The following ACAD11 variants were observed in gnomAD, a reference collection of about 807,000 sequenced individuals.
ACAD11 encodes acyl-Coenzyme A dehydrogenase family, member 11.
In ACAD11, 83 loss-of-function variants were observed where a neutral mutation model predicts 102.2. That is an observed-to-expected ratio of 0.81 (90% CI 0.68 to 0.97). The LOEUF (loss-of-function observed/expected upper bound fraction) is 0.97, where lower values mean the gene tolerates loss of function less well. ACAD11 is among the 50% of genes least tolerant of loss of function. ACAD11 has a pLI of 0.00. For missense variants in ACAD11, 901 were observed against 951.7 expected (o/e 0.95, Z 0.70); for synonymous variants, 324 against 319.8 (o/e 1.01, Z -0.14).
intron 1 of ACAD11, chr3:132,645,775 T>A (rs1052542491): frequency 1.3e-5 from 2 of 152,216 alleles, no homozygotes; most frequent in Admixed American, 1.3e-4. Flanking sequence ...AGTGTCTATG[T>A]CTTCTATAAA....
In ACAD11 at chr3:132,639,583, C is replaced by T; in HGVS notation, c.611G>A (p.Trp204Ter). 1.2e-6 allele frequency: 2 copies of T among 1,613,744 alleles called. No individual in the cohort carries two copies. The highest frequency in any genetic ancestry group is 1.1e-5 in the South Asian group (1 of 90,984). Residue 204 changes from tryptophan to a stop codon, truncating the protein, a stop_gained, in exon 5 of 20, where the codon TGG becomes TAG. Transcript: ENST00000264990. LOFTEE classifies it high-confidence loss of function. ...DIPAMQQLSE[W>*]LMKNLPDNDN... is the part of the protein sequence containing the mutation. ...ATTATCGGGCAAGTTCTTCATTAGC[C>T]ACTCCGATAGCTGTTGCATGGCAGG...
chr3:132,646,506 T>C (rs925274244), intron 1 of ACAD11: 3 of 152,260 alleles, frequency 2.0e-5, no homozygotes, highest in African/African-American at 4.8e-5. Context: ...TCTTTCATGA[T>C]AGTAAATGAC....
Position 132,626,692 on chromosome 3 carries a change from T to C in ACAD11, c.1196A>G (p.Lys399Arg), listed in dbSNP as rs1033138466. 12 of 1,613,168 alleles carry C rather than the reference T, an allele frequency of 7.4e-6. No homozygotes were observed. The African/African-American group carries it at 1.2e-4, about 16-fold the overall frequency. ...FMKQHILPAE[K>R]EVTEFYVQNE... ...ACATTCTGCTTATATAATACTCACC[T>C]TTTCAGCTGGAAGAATGTGTTGTTT... The change falls in exon 9 of 20, where the codon AAG (lysine) becomes AGG (arginine). Residue 399 changes from lysine to arginine, a missense_variant and splice_region_variant. Physicochemically the swap from Lys to Arg is conservative, Grantham distance 26 (BLOSUM62 2). Transcript: ENST00000264990.
At chr3:132,626,936 A>G in intron 8 of ACAD11, 119 bp from the exon 9 acceptor site, 2 of 938,330 alleles carry the variant, frequency 2.1e-6, no homozygotes, top group Non-Finnish European at 3.0e-6. Flanking sequence ...CAGAAGGAGT[A>G]GCTGTATTTT....
chr3:132,608,557 T>C (rs1161553388), intron 11 of ACAD11, among the ~76,000 whole-genome samples: 1 of 152,048 alleles, frequency 6.6e-6, no homozygotes, highest in Non-Finnish European at 1.5e-5. Flanking sequence ...GGACATTACA[T>C]AATGGTAAAG....
rs770461857 is a variant in ACAD11 at position 132,559,027 on chromosome 3, C to T, written c.2287G>A (p.Ala763Thr). The T allele has an allele frequency of 1.2e-6, 2 of 1,613,784 alleles. No individual in the cohort carries two copies. Among genetic ancestry groups the T allele is most frequent in the South Asian group, 2.2e-5 (2 of 91,040 alleles). The change falls in exon 20 of 20, where the codon GCA (alanine) becomes ACA (threonine). Residue 763 changes from alanine to threonine, a missense_variant. By Grantham distance (58) the Ala-to-Thr change is moderately conservative. Transcript: ENST00000264990. ...ADGPDEVHLS[A>T]IATMELRDQA... ...TCCCGCAGCTCCATTGTTGCGATTG[C>T]TGAAAGATGAACTTCGTCAGGTCCA...
chr3:132,596,069 G>C (rs552092065), intron 13 of ACAD11, among the ~76,000 whole-genome samples: 24 of 152,242 alleles, frequency 1.6e-4, no homozygotes, highest in Non-Finnish European at 3.4e-4. Flanking sequence ...AGAAAATGTG[G>C]TACATATACA....
chr3:132,645,982 C>CTT (rs551753446), intron 1 of ACAD11: 11 of 139,194 alleles, frequency 7.9e-5, no homozygotes, highest in Admixed American at 1.4e-4. Context: ...TGCAACGAAT[C>CTT]TTTTTTTTTT....
chr3:132,573,785 G>A (rs764328081), intron 17 of ACAD11, among the ~76,000 whole-genome samples: 1 of 152,210 alleles, frequency 6.6e-6, no homozygotes. Context: ...GTAGAAACTA[G>A]GTGCTCTAGG....
intron 11 of ACAD11, among the ~76,000 whole-genome samples, chr3:132,611,810 T>G (rs1014284738): frequency 9.2e-5 from 14 of 152,010 alleles, no homozygotes; most frequent in Admixed American, 6.6e-4. Context: ...CAAGGTAATT[T>G]ATAGATTCAA....
At chr3:132,607,809 A>G (rs1938915070) in intron 11 of ACAD11, among the ~76,000 whole-genome samples, 2 of 152,144 alleles carry the variant, frequency 1.3e-5, no homozygotes, top group Non-Finnish European at 2.9e-5. Context: ...GAGCAACCCC[A>G]AGACACATAA....
At chr3:132,609,926 C>T (rs1429406075) in intron 11 of ACAD11, among the ~76,000 whole-genome samples, 1 of 152,112 alleles carries the variant, frequency 6.6e-6, no homozygotes, top group Non-Finnish European at 1.5e-5. Flanking sequence ...AAAGCTTATC[C>T]ACCACAATCA....
rs1940399147 is a variant in ACAD11 at position 132,639,458 on chromosome 3, C to T, written c.702+34G>A. 1.9e-6 allele frequency: 3 copies of T among 1,596,164 alleles called. No homozygotes were observed. In the Admixed American group the frequency reaches 5.2e-5, roughly 28 times the overall value. On this transcript the variant is annotated intron_variant, in intron 5 of 19. Coordinates refer to ENST00000264990, the MANE Select transcript of ACAD11 (RefSeq NM_032169.5). ...CTTAGTACTGTGTCACAAAACAGAC[C>T]TACTCAATTAATTGTAAACATAGCT...
chr3:132,630,755 G>T (rs1035990098), intron 6 of ACAD11, among the ~76,000 whole-genome samples, 197 bp from the exon 7 acceptor site: 1 of 152,098 alleles, frequency 6.6e-6, no homozygotes, highest in Non-Finnish European at 1.5e-5. Flanking sequence ...ACTAAAAGTG[G>T]CATGCTAAGT....
chr3:132,633,971 C>T (rs1205931648), intron 5 of ACAD11, among the ~76,000 whole-genome samples: 1 of 152,014 alleles, frequency 6.6e-6, no homozygotes, highest in Non-Finnish European at 1.5e-5. Context: ...AAAACCTAGG[C>T]AATACCATTC....
intron 13 of ACAD11, among the ~76,000 whole-genome samples, chr3:132,598,250 C>T (rs538492831): frequency 1.1e-3 from 168 of 152,282 alleles, no homozygotes; most frequent in Middle Eastern, 6.8e-3. Flanking sequence ...TTATTTTATA[C>T]ATTCCAAAAC....
intron 5 of ACAD11, among the ~76,000 whole-genome samples, chr3:132,634,536 C>T (rs1248573599): frequency 6.6e-6 from 1 of 151,952 alleles, no homozygotes; most frequent in Non-Finnish European, 1.5e-5. Flanking sequence ...TACCATTTGA[C>T]CCAGCCATCC....
chr3:132,593,084 A>G (rs982573320), intron 13 of ACAD11, among the ~76,000 whole-genome samples: 3 of 152,044 alleles, frequency 2.0e-5, no homozygotes, highest in African/African-American at 4.8e-5. Flanking sequence ...ATAATATAAT[A>G]TTTATTAAAT....
chr3:132,591,118 C>T (rs1239478890), intron 13 of ACAD11, among the ~76,000 whole-genome samples: 1 of 152,102 alleles, frequency 6.6e-6, no homozygotes, highest in Non-Finnish European at 1.5e-5. Flanking sequence ...GGTCATCTTC[C>T]AGGGTTTTTA....
Sources: gnomAD v4.1 joint callset for allele counts (sites outside exome capture counted in the v4.1 genomes callset) on GRCh38, gnomAD v4.1.1 for gene constraint, MANE v1.5 for transcripts, NCBI Gene and HGNC (gene_info 2026-07-23, HGNC 2026-07-21) for gene names.